ZBED4: variants seen among roughly 807,000 people sequenced by gnomAD.
ZBED4 encodes the protein zinc finger BED-type containing 4.
Under a neutral mutation model 15.5 loss-of-function variants are expected in ZBED4, and 4 were observed. The observed-to-expected ratio is 0.26, with a 90% confidence interval of 0.13 to 0.59. The LOEUF is 0.59. Among genes scored for constraint, ZBED4 ranks in the 20% least tolerant of loss-of-function variants. The probability of loss-of-function intolerance (pLI) is 0.90; values close to 1 mark genes in which losing one functional copy is unlikely to be tolerated. For missense variants in ZBED4, 1,323 were observed against 1,461.8 expected (o/e 0.91, Z 1.55); for synonymous variants, 692 against 608.5 (o/e 1.14, Z -2.02).
rs775261673 is a variant in ZBED4, at chr22:49,885,794, A to G, written c.2132A>G (p.Asn711Ser). The G allele has an allele frequency of 6.2e-7, 1 of 1,603,784 alleles. No homozygotes were observed. The highest frequency in any genetic ancestry group is 1.1e-5 in the South Asian group (1 of 90,666). Residue 711 changes from asparagine (N) to serine (S), a missense_variant, in exon 2 of 2, where the codon AAT becomes AGT. By Grantham distance (46) the Asn-to-Ser change is conservative (BLOSUM62 1). This residue lies in a region of ZBED4 where 89 missense variants were observed against 129.8 expected (regional missense o/e 0.69). Coordinates refer to ENST00000216268, the MANE Select transcript of ZBED4 (RefSeq NM_014838.3). ...SRTAIPGMYD[N>S]VKQIIMSHLK... is the part of the protein sequence containing the mutation. ...ACAGCTATCCCAGGTATGTATGATA[A>G]TGTGAAGCAGATAATTATGTCCCAC...
At chr22:49,864,642 C>G (rs568431811) in intron 1 of ZBED4, among the ~76,000 whole-genome samples, 11 of 152,080 alleles carry the variant, frequency 7.2e-5, no homozygotes, top group Admixed American at 5.2e-4. Flanking sequence ...CCTAGTGAGA[C>G]CCCCTCTCTA....
chr22:49,876,471 T>G (rs2060376948), intron 1 of ZBED4, among the ~76,000 whole-genome samples: 1 of 152,228 alleles, frequency 6.6e-6, no homozygotes, highest in Non-Finnish European at 1.5e-5. Flanking sequence ...TATGCACCTT[T>G]GGGAGAATGC....
chr22:49,881,576 A>G (rs7511502), intron 1 of ZBED4, among the ~76,000 whole-genome samples: 1 of 152,156 alleles, frequency 6.6e-6, no homozygotes, highest in Non-Finnish European at 1.5e-5. Context: ...ACAGAGTTTC[A>G]CTATTATTCA....
intron 1 of ZBED4, among the ~76,000 whole-genome samples, chr22:49,865,002 G>A (rs906831890): frequency 7.8e-6 from 1 of 128,194 alleles, no homozygotes; most frequent in Admixed American, 1.1e-4. Context: ...TTTCTCCCCT[G>A]CAAACCCTTA....
intron 1 of ZBED4, among the ~76,000 whole-genome samples, chr22:49,868,845 C>T (rs1489540442): frequency 6.6e-6 from 1 of 151,682 alleles, no homozygotes; most frequent in Non-Finnish European, 1.5e-5. Flanking sequence ...GGCGCAATGG[C>T]TCACACCTGT....
chr22:49,858,009 A>C (rs1601780435), intron 1 of ZBED4, among the ~76,000 whole-genome samples: 1 of 151,698 alleles, frequency 6.6e-6, no homozygotes, highest in South Asian at 2.1e-4. Context: ...TGATCCGTCC[A>C]CCTTGGCCTC....
In ZBED4 at chr22:49,889,467, T is replaced by G. The variant is rs1453014065; in HGVS notation, c.*2289T>G. 1 of 167,080 alleles carries G rather than the reference T, an allele frequency of 6.0e-6. No homozygotes were observed. The highest frequency in any genetic ancestry group is 2.4e-5 in the African/African-American group (1 of 41,414). The allele number at this position is 167,080 out of a possible 1,614,324, so 10.3% of individuals were successfully genotyped here. A position where few individuals can be genotyped will look rare whatever the true frequency, so the allele number is the denominator to read the frequency against. On this transcript the variant is annotated 3_prime_UTR_variant, in exon 2 of 2. Transcript: ENST00000216268. ...AGCTAGCCTGCCTTTATGGGGTTTT[T>G]TTTGTTTGTTTTTTTAAGCTTTCAG...
intron 1 of ZBED4, among the ~76,000 whole-genome samples, chr22:49,858,162 A>G (rs2060282282): frequency 6.7e-6 from 1 of 149,448 alleles, no homozygotes; most frequent in Non-Finnish European, 1.5e-5. Context: ...TTTGCCTCCC[A>G]AAGGGCTGGG....
intron 1 of ZBED4, among the ~76,000 whole-genome samples, chr22:49,858,304 C>T (rs1263223121): frequency 1.3e-5 from 2 of 152,140 alleles, no homozygotes; most frequent in Non-Finnish European, 2.9e-5. Flanking sequence ...CTGCTGTGCA[C>T]CCCCAGAATA....
chr22:49,884,976 T>C lies in ZBED4; in HGVS notation c.1314T>C (p.Pro438=). 1 of 1,613,544 alleles carries C rather than the reference T, an allele frequency of 6.2e-7. No individual in the cohort carries two copies. The highest frequency in any genetic ancestry group is 8.5e-7 in the Non-Finnish European group (1 of 1,179,670). ...AGCAGCAGGCTGATGGGCTGAGTCC[T>C]AGATTGTTTGAATCTGGCGCCATCT... ...PEKQQADGLS[P]RLFESGAIFQ... is the part of the protein sequence containing the mutation. Residue 438 remains proline (P), a synonymous_variant, in exon 2 of 2, where the codon CCT becomes CCC. Coordinates refer to ENST00000216268, the MANE Select transcript of ZBED4 (RefSeq NM_014838.3).
chr22:49,870,943 A>AGTTT (rs2060343988), intron 1 of ZBED4, among the ~76,000 whole-genome samples: 2 of 138,112 alleles, frequency 1.4e-5, no homozygotes, highest in African/African-American at 2.7e-5. Flanking sequence ...TAAAAGATAG[A>AGTTT]TTTTTTTTTT....
At chr22:49,869,170 G>T (rs1048806944) in intron 1 of ZBED4, among the ~76,000 whole-genome samples, 3 of 151,756 alleles carry the variant, frequency 2.0e-5, no homozygotes, top group Admixed American at 2.0e-4. Context: ...GGGGATGCTC[G>T]GTCTTGTGAT....
At chr22:49,872,063 A>G (rs1321714184) in intron 1 of ZBED4, among the ~76,000 whole-genome samples, 1 of 152,196 alleles carries the variant, frequency 6.6e-6, no homozygotes, top group Non-Finnish European at 1.5e-5. Flanking sequence ...TTAAAATAAG[A>G]CAATGAAGTT....
chr22:49,868,198 G>T (rs760153536), intron 1 of ZBED4, among the ~76,000 whole-genome samples: 1 of 152,184 alleles, frequency 6.6e-6, no homozygotes, highest in Non-Finnish European at 1.5e-5. Flanking sequence ...TAACATCAGA[G>T]GATTGTGGTT....
intron 1 of ZBED4, among the ~76,000 whole-genome samples, chr22:49,867,048 A>T (rs886857882): frequency 2.6e-5 from 4 of 152,124 alleles, no homozygotes; most frequent in African/African-American, 9.7e-5. Flanking sequence ...TAGAGCTTTC[A>T]GTTTCTTGCT....
At chr22:49,882,625 GCT>G (rs1404189690) in intron 1 of ZBED4, among the ~76,000 whole-genome samples, 2 of 152,150 alleles carry the variant, frequency 1.3e-5, no homozygotes, top group Admixed American at 1.3e-4. Flanking sequence ...GTCTTGCCCT[GCT>G]CTCTCCTGTC....
intron 1 of ZBED4, among the ~76,000 whole-genome samples, chr22:49,870,137 T>A (rs1344649007): frequency 6.6e-6 from 1 of 152,226 alleles, no homozygotes; most frequent in Non-Finnish European, 1.5e-5. Context: ...GCATGCATGT[T>A]GCTGCAAGGG....
At chr22:49,854,075 TTGTC>T (rs1406458196) in intron 1 of ZBED4, 86 bp downstream of exon 1, 1 of 140,132 alleles carries the variant, frequency 7.1e-6, no homozygotes, top group Non-Finnish European at 1.6e-5. Context: ...GGCCGCGCCA[TTGTC>T]TGCGCCGCGC....
In ZBED4 at chr22:49,885,560, C is replaced by T. The variant is rs749387965; in HGVS notation, c.1898C>T (p.Thr633Ile). 6.2e-7 allele frequency: 1 copy of T among 1,603,410 alleles called. No homozygotes were observed. The highest frequency in any genetic ancestry group is 1.1e-5 in the South Asian group (1 of 90,906). The part of the protein sequence containing the change: ...SSPDTRVPRG[T>I]ELSGASSFDD... ...CCGGACACCCGGGTGCCGCGGGGCA[C>T]AGAATTATCAGGCGCTTCCTCTTTT... The change falls in exon 2 of 2, where the codon ACA (threonine) becomes ATA (isoleucine). Residue 633 changes from threonine (T) to isoleucine (I), a missense_variant. Physicochemically the swap from Thr to Ile is moderately conservative, Grantham distance 89. Transcript: ENST00000216268.
Sources: gnomAD v4.1 joint callset for allele counts (sites outside exome capture counted in the v4.1 genomes callset) on GRCh38, gnomAD v4.1.1 for gene constraint, gnomAD v4.1.1 regional missense constraint, MANE v1.5 for transcripts, NCBI Gene and HGNC (gene_info 2026-07-23, HGNC 2026-07-21) for gene names.